ABCA7: variants seen among roughly 807,000 people sequenced by gnomAD.
ABCA7 encodes ATP binding cassette subfamily A member 7, also known as phospholipid-transporting ATPase ABCA7.
Under a neutral mutation model 227.6 loss-of-function variants are expected in ABCA7, and 261 were observed. That is an observed-to-expected ratio of 1.15 (90% CI 1.04 to 1.27). ABCA7 has a LOEUF of 1.27. ABCA7 is among the 50% of genes most tolerant of loss of function. The pLI, the probability that ABCA7 is intolerant of heterozygous loss-of-function variation, is 0.00. For synonymous variants in ABCA7, 1,488 were observed against 1,279.7 expected (o/e 1.16, Z -3.47); for missense variants, 3,331 against 2,924.5 (o/e 1.14, Z -3.21).
At chr19:1,062,633 C>G (rs369906745) in intron 42 of ABCA7, among the ~76,000 whole-genome samples, 11 of 152,078 alleles carry the variant, frequency 7.2e-5, no homozygotes, top group African/African-American at 2.2e-4. Flanking sequence ...CTGCCTACCC[C>G]CTAGGGCTTC....
intron 42 of ABCA7, among the ~76,000 whole-genome samples, chr19:1,063,342 A>C (rs2042807839): frequency 7.5e-6 from 1 of 134,034 alleles, no homozygotes; most frequent in Non-Finnish European, 1.6e-5. Flanking sequence ...GCCCCGCCCC[A>C]TACTCATGCT....
chr19:1,054,932 T>C lies in ABCA7; in HGVS notation c.3950+54T>C, dbSNP rs2042114110. ...CCCCTCTCTGGCCTCAGTTTTCCCA[T>C]CTGGTCCCTGGCCAGGGAGCCTCAG... On this transcript the variant is annotated intron_variant, in intron 29 of 46. Transcript: ENST00000263094. This position sits in a 1 kb window ranked among gnomAD's most constrained non-coding sequence, Gnocchi z 4.8. 1.3e-6 allele frequency: 2 copies of C among 1,554,518 alleles called. No individual in the cohort carries two copies. The highest frequency in any genetic ancestry group is 1.4e-5 in the African/African-American group (1 of 73,268).
At position 1,051,940 on chromosome 19, in the gene ABCA7, A is replaced by G. The variant is rs1280722375; in HGVS notation, c.2963-2A>G. On this transcript the variant is annotated splice_acceptor_variant, in intron 21 of 46. Transcript: ENST00000263094. LOFTEE classifies it high-confidence loss of function. ...AGTTGTGGGTTGGTCCCCCGTGCCT[A>G]GGTCGCACGCTGATCCTCTCCACCC... The G allele has an allele frequency of 1.2e-6, 2 of 1,610,738 alleles. No individual in the cohort carries two copies.
At position 1,065,285 on chromosome 19, in the gene ABCA7, T is replaced by C. The variant is rs775984428; in HGVS notation, c.6301T>C (p.Ser2101Pro). ...TMLEEVFLYF[S>P]KDQGKDEDTE... ...CCACCGCTAGGTATTCTTGTACTTCTCCAAGGACCAGGGGAAGGACGAGGA... is the reference window on the plus strand; with the variant it reads ...CCACCGCTAGGTATTCTTGTACTTCCCCAAGGACCAGGGGAAGGACGAGGA... The change falls in exon 47 of 47, where the codon TCC becomes CCC. Residue 2101 changes from serine (S) to proline (P), a missense_variant. By Grantham distance (74) the Ser-to-Pro change is moderately conservative. Coordinates refer to ENST00000263094, the MANE Select transcript of ABCA7 (RefSeq NM_019112.4). 6.2e-7 allele frequency: 1 copy of C among 1,613,218 alleles called. No homozygotes were observed. Among genetic ancestry groups the C allele is most frequent in the South Asian group, 1.1e-5 (1 of 91,082 alleles).
rs758392102 is a variant in ABCA7, at chr19:1,057,441, A to C, written c.4880+12A>C. Reference sequence around the variant, plus strand: ...CTACTACTGTATGGGTGAGGCCCCCAGTCCCTCAGGGCCTATTCTTACTGA... The same window carrying C: ...CTACTACTGTATGGGTGAGGCCCCCCGTCCCTCAGGGCCTATTCTTACTGA... On this transcript the variant is annotated intron_variant, in intron 35 of 46. Coordinates refer to ENST00000263094, the MANE Select transcript of ABCA7 (RefSeq NM_019112.4). 1 of 1,608,332 alleles carries C rather than the reference A, an allele frequency of 6.2e-7. No individual in the cohort carries two copies. Among genetic ancestry groups the C allele is most frequent in the Non-Finnish European group, 8.5e-7 (1 of 1,175,124 alleles).
In ABCA7 at chr19:1,054,744, G is replaced by A; in HGVS notation, c.3852-36G>A. 6.2e-7 allele frequency: 1 copy of A among 1,607,702 alleles called. No homozygotes were observed. Among genetic ancestry groups the A allele is most frequent in the Non-Finnish European group, 8.5e-7 (1 of 1,175,968 alleles). Reference sequence around the variant, plus strand: ...TGGCAGGAAGACTAGGGACCTGGGGGTACAGCCCTGACCCTACATCTCCCC... The same window carrying A: ...TGGCAGGAAGACTAGGGACCTGGGGATACAGCCCTGACCCTACATCTCCCC... On this transcript the variant is annotated intron_variant, in intron 28 of 46. Transcript: ENST00000263094. This position sits in a 1 kb window ranked among gnomAD's most constrained non-coding sequence, Gnocchi z 4.8.
rs1337980272 is a variant in ABCA7, at chr19:1,059,073, T to TC, written c.5456dup (p.Gly1820TrpfsTer2). Reference sequence around the variant, plus strand: ...CTGTTGACCGCTTGTGCCTGGGGATTCCCCCTGGTGAGGTGAGTCCAGGGG... The same window carrying TC: ...CTGTTGACCGCTTGTGCCTGGGGATTCCCCCCTGGTGAGGTGAGTCCAGGGG... On this transcript the variant is annotated frameshift_variant, in exon 40 of 47. Coordinates refer to ENST00000263094, the MANE Select transcript of ABCA7 (RefSeq NM_019112.4). LOFTEE classifies it high-confidence loss of function. The TC allele has an allele frequency of 1.9e-6, 3 of 1,613,218 alleles. No individual in the cohort carries two copies. Among genetic ancestry groups the TC allele is most frequent in the East Asian group, 4.5e-5 (2 of 44,858 alleles).
chr19:1,061,939 C>T, intron 41 of ABCA7, 51 bp downstream of exon 41: 1 of 1,508,110 alleles, frequency 6.6e-7, no homozygotes, highest in Non-Finnish European at 8.9e-7. Flanking sequence ...CCCTGACGTC[C>T]TTGTGCTTCC....
At position 1,043,291 on chromosome 19, in the gene ABCA7, A is replaced by C. The variant is rs375824275; in HGVS notation, c.790+40A>C. On this transcript the variant is annotated intron_variant, in intron 8 of 46. Transcript: ENST00000263094. ...TCGGTTTCCCCTCTTGGGAAGTGGA[A>C]CTCTGGGCAGGGGGGCAGGGCCTCA... is the stretch of plus-strand genomic sequence containing the variant. The C allele has an allele frequency of 2.5e-5, 41 of 1,611,744 alleles. No homozygotes were observed. The African/African-American group carries it at 5.1e-4, about 20-fold the overall frequency.
At position 1,041,913 on chromosome 19, in the gene ABCA7, CT is replaced by C; in HGVS notation, c.246del (p.Pro83ArgfsTer3). 1 of 1,601,062 alleles carries C rather than the reference CT, an allele frequency of 6.2e-7. No individual in the cohort carries two copies. ...TCATCTGTAATGTGAACAACACCTG[CT>C]TTCCGCAGCTGACACCGGGCGAGGA... is the stretch of plus-strand genomic sequence containing the variant. ...GLICNVNNTC[F>X]PQLTPGEEPG... On this transcript the variant is annotated frameshift_variant, in exon 4 of 47. Coordinates refer to ENST00000263094, the MANE Select transcript of ABCA7 (RefSeq NM_019112.4). LOFTEE classifies it high-confidence loss of function.
Position 1,058,050 on chromosome 19 carries a change from C to G in ABCA7, c.5016C>G (p.Phe1672Leu), listed in dbSNP as rs1196105995. 3.7e-6 allele frequency: 6 copies of G among 1,614,046 alleles called. No homozygotes were observed. The highest frequency in any genetic ancestry group is 5.1e-6 in the Non-Finnish European group (6 of 1,180,046). The change falls in exon 36 of 47, where the codon TTC becomes TTG. Residue 1672 changes from phenylalanine (F) to leucine (L), a missense_variant. Phe to Leu is a conservative substitution (Grantham distance 22, BLOSUM62 0). Coordinates refer to ENST00000263094, the MANE Select transcript of ABCA7 (RefSeq NM_019112.4). ...GSMATFVLEL[F>L]SDQKLQEVSR... The stretch of plus-strand genomic sequence containing the variant: ...TGGCCACCTTTGTGCTTGAGCTCTT[C>G]TCTGATCAGGTGGGGCACCACGAGG...
intron 12 of ABCA7, 101 bp downstream of exon 12, chr19:1,045,332 C>G (rs1780595441): frequency 1.7e-6 from 2 of 1,184,116 alleles, no homozygotes; most frequent in Non-Finnish European, 1.2e-6. Context: ...CCATGATAGA[C>G]AGGATCTGGG....
At position 1,058,208 on chromosome 19, in the gene ABCA7, G is replaced by A. The variant is rs1319597164; in HGVS notation, c.5088G>A (p.Leu1696=). 6.2e-7 allele frequency: 1 copy of A among 1,613,388 alleles called. No individual in the cohort carries two copies. Among genetic ancestry groups the A allele is most frequent in the African/African-American group, 1.3e-5 (1 of 74,738 alleles). ...TCCTTATCTTCCCCCACTTCTGCTT[G>A]GGCCGGGGGCTCATTGACATGGTGC... The part of the protein sequence containing the change: ...QVFLIFPHFC[L]GRGLIDMVRN... Residue 1696 remains leucine, a synonymous_variant, in exon 37 of 47, where the codon TTG becomes TTA. Coordinates refer to ENST00000263094, the MANE Select transcript of ABCA7 (RefSeq NM_019112.4).
chr19:1,044,829 G>T, intron 11 of ABCA7, 85 bp downstream of exon 11: 2 of 1,501,988 alleles, frequency 1.3e-6, no homozygotes, highest in South Asian at 1.3e-5. Context: ...TTCCCAGGGG[G>T]AGGCGGGCCC....
At position 1,050,944 on chromosome 19, in the gene ABCA7, C is replaced by A. The variant is rs778332965; in HGVS notation, c.2576C>A (p.Pro859Gln). The part of the protein sequence containing the change: ...TTLSILSGLF[P>Q]PSGGSAFILG... ...AGGTCCATCTTGAGTGGCCTCTTCCCACCCAGTGGTGGCTCTGCCTTCATC... is the reference window on the plus strand; with the variant it reads ...AGGTCCATCTTGAGTGGCCTCTTCCAACCCAGTGGTGGCTCTGCCTTCATC... Residue 859 changes from proline (P) to glutamine (Q), a missense_variant, in exon 19 of 47, where the codon CCA (proline) becomes CAA (glutamine). By Grantham distance (76) the Pro-to-Gln change is moderately conservative. Transcript: ENST00000263094. The A allele has an allele frequency of 5.6e-6, 9 of 1,610,280 alleles. No individual in the cohort carries two copies. In the African/African-American group the frequency reaches 1.1e-4, roughly 19 times the overall value.
rs2041934172 is a variant in ABCA7 at position 1,053,254 on chromosome 19, C to G, written c.3221-75C>G. The G allele has an allele frequency of 6.8e-6, 10 of 1,466,972 alleles. 1 individual carries two copies. In the East Asian group the frequency reaches 2.4e-4, roughly 35 times the overall value. The allele number at this position is 1,466,972 out of a possible 1,614,324, so 90.9% of individuals were successfully genotyped here. A position where few individuals can be genotyped will look rare whatever the true frequency, so the allele number is the denominator to read the frequency against. On this transcript the variant is annotated intron_variant, in intron 23 of 46. Coordinates refer to ENST00000263094, the MANE Select transcript of ABCA7 (RefSeq NM_019112.4). ...GCCGGGACAGTCCCCTCACAGGTCA[C>G]CAATGCCTCTTCCCCAGGGAGACTG...
chr19:1,054,347 G>A lies in ABCA7; in HGVS notation c.3726+6G>A. 1 of 1,592,520 alleles carries A rather than the reference G, an allele frequency of 6.3e-7. No homozygotes were observed. The highest frequency in any genetic ancestry group is 8.5e-7 in the Non-Finnish European group (1 of 1,175,438). ...GCCGCGGCCTGTTCGCCCAGGTGAG[G>A]AGGGCTAGCACCAGGGAGTCGCATG... On this transcript the variant is annotated splice_donor_region_variant and intron_variant, in intron 27 of 46. Transcript: ENST00000263094. The surrounding 1 kb of genome is among the most constrained non-coding windows in gnomAD (Gnocchi z 4.8).
chr19:1,050,855 A>C, intron 18 of ABCA7, 66 bp from the exon 19 acceptor site: 1 of 1,264,028 alleles, frequency 7.9e-7, no homozygotes, highest in Non-Finnish European at 1.0e-6. Flanking sequence ...GAAATTAAAA[A>C]TAGAAGCTCT....
chr19:1,050,812 T>TAATAATAAC lies in ABCA7; in HGVS notation c.2553-101_2553-100insCAATAATAA, dbSNP rs1599638096. 22 of 510,786 alleles carry TAATAATAAC rather than the reference T, an allele frequency of 4.3e-5. 1 individual carries two copies. The East Asian group carries it at 1.5e-3, about 35-fold the overall frequency. The allele number at this position is 510,786 out of a possible 1,614,324, so 31.6% of individuals were successfully genotyped here. On this transcript the variant is annotated intron_variant, in intron 18 of 46. Transcript: ENST00000263094. The stretch of plus-strand genomic sequence containing the variant: ...ATAATAATAATAATAATAATAATAA[T>TAATAATAAC]AATAATAAATAATTAAAAATTTTTT...
Sources: gnomAD v4.1 joint callset for allele counts (sites outside exome capture counted in the v4.1 genomes callset) on GRCh38, gnomAD v4.1.1 for gene constraint, Gnocchi (gnomAD v3.1) non-coding constraint, MANE v1.5 for transcripts, NCBI Gene and HGNC (gene_info 2026-07-23, HGNC 2026-07-21) for gene names.